Variants in PCDH15 observed in about 807,000 individuals in gnomAD.
The protein encoded by PCDH15 is protocadherin-15.
In PCDH15, 129 loss-of-function variants were observed where a neutral mutation model predicts 178.5. The observed-to-expected ratio is 0.72, with a 90% CI of 0.63 to 0.84. The LOEUF (loss-of-function observed/expected upper bound fraction) is 0.84, where lower values mean the gene tolerates loss of function less well. Among genes scored for constraint, PCDH15 ranks in the 40% least tolerant of loss-of-function variants. The pLI is 0.00. For missense variants in PCDH15, 2,230 were observed against 2,099.9 expected (o/e 1.06, Z -1.21); for synonymous variants, 800 against 732.0 (o/e 1.09, Z -1.50).
chr10:54,912,407 T>C (rs1349336030), intron 2 of PCDH15, among the ~76,000 whole-genome samples: 2 of 152,086 alleles, frequency 1.3e-5, no homozygotes, highest in Admixed American at 1.3e-4. Context: ...TGAGTTCTTA[T>C]ACCAGCTGCT....
At chr10:55,187,779 T>C (rs1839837273) in intron 1 of PCDH15, among the ~76,000 whole-genome samples, 1 of 152,022 alleles carries the variant, frequency 6.6e-6, no homozygotes, top group Non-Finnish European at 1.5e-5. Flanking sequence ...AGAGGCTGTA[T>C]GTGAGCCACA....
intron 2 of PCDH15, among the ~76,000 whole-genome samples, chr10:55,544,139 CATATATATATATATATATATAT>C (rs1176456895): frequency 3.7e-5 from 2 of 54,346 alleles, no homozygotes; most frequent in African/African-American, 7.0e-5. Flanking sequence ...CTTATACATA[CATATATATATATATATATATAT>C]ATATATATAT....
intron 8 of PCDH15, among the ~76,000 whole-genome samples, chr10:54,291,730 A>C (rs113965443): frequency 6.6e-6 from 1 of 152,210 alleles, no homozygotes; most frequent in Admixed American, 6.5e-5. Flanking sequence ...GAAGAAATGT[A>C]TAAATTCCTG....
chr10:55,125,748 A>AT (rs1056825207), intron 2 of PCDH15, among the ~76,000 whole-genome samples: 1 of 152,010 alleles, frequency 6.6e-6, no homozygotes, highest in African/African-American at 2.4e-5. Flanking sequence ...TTTTGTTTGT[A>AT]TTTTCCATAT....
intron 2 of PCDH15, among the ~76,000 whole-genome samples, chr10:54,967,609 A>AT (rs1838825266): frequency 6.6e-6 from 1 of 152,082 alleles, no homozygotes; most frequent in Non-Finnish European, 1.5e-5. Context: ...GTATTTCTTT[A>AT]CCTGATGATA....
intron 1 of PCDH15, among the ~76,000 whole-genome samples, chr10:54,742,782 A>G (rs1944975616): frequency 6.6e-6 from 1 of 152,024 alleles, no homozygotes; most frequent in African/African-American, 2.4e-5. Context: ...TCCTGTGTTA[A>G]GTTGGCAGCC....
chr10:55,547,910 T>TGTGAGAGAGGA (rs541144266), intron 2 of PCDH15, among the ~76,000 whole-genome samples: 1 of 54,508 alleles, frequency 1.8e-5, no homozygotes, highest in East Asian at 5.5e-4. Flanking sequence ...TGTGTGTGTG[T>TGTGAGAGAGGA]GAGAGAGAGA....
chr10:54,287,185 A>G (rs1049561357), intron 8 of PCDH15, among the ~76,000 whole-genome samples: 2 of 152,220 alleles, frequency 1.3e-5, no homozygotes, highest in East Asian at 1.9e-4. Flanking sequence ...CAAAACTTCT[A>G]AAGTTTAATG....
intron 33 of PCDH15, among the ~76,000 whole-genome samples, chr10:53,819,022 A>ATTCTT (rs1400161347): frequency 2.6e-5 from 4 of 152,046 alleles, no homozygotes; most frequent in African/African-American, 9.6e-5. Context: ...TTCTCAATTG[A>ATTCTT]TTCTTTAAAA....
intron 2 of PCDH15, among the ~76,000 whole-genome samples, chr10:55,389,390 T>C (rs1299031641): frequency 6.6e-6 from 1 of 152,120 alleles, no homozygotes; most frequent in Non-Finnish European, 1.5e-5. Context: ...TGTTGCTAAA[T>C]TCTAAAGTAT....
In PCDH15 at chr10:53,802,969, A is replaced by G. The variant is rs1220658616; in HGVS notation, c.*3610T>C. 1 of 151,946 alleles carries G rather than the reference A, an allele frequency of 6.6e-6. No homozygotes were observed. Among genetic ancestry groups the G allele is most frequent in the Non-Finnish European group, 1.5e-5 (1 of 67,850 alleles). 9.4% of individuals were successfully genotyped at this position (151,946 alleles called of 1,614,324 possible). A position where few individuals can be genotyped will look rare whatever the true frequency, so the allele number is the denominator to read the frequency against. On this transcript the variant is annotated 3_prime_UTR_variant, in exon 38 of 38. Transcript: ENST00000644397. ...TAGACAATGTTCGAATCTTCCATAC[A>G]TGTGCTTAACTGACCATAAATTTAA...
intron 1 of PCDH15, among the ~76,000 whole-genome samples, chr10:55,188,594 C>A (rs1044785753): frequency 1.3e-5 from 2 of 151,812 alleles, no homozygotes; most frequent in Non-Finnish European, 2.9e-5. Context: ...AAGTGTTTTT[C>A]CATTTTGCAC....
chr10:54,158,970 T>A (rs1216765769), intron 13 of PCDH15, among the ~76,000 whole-genome samples: 1 of 151,852 alleles, frequency 6.6e-6, no homozygotes, highest in Non-Finnish European at 1.5e-5. Context: ...TAGCCAGGCG[T>A]GGTGGCGAGC....
intron 21 of PCDH15, among the ~76,000 whole-genome samples, chr10:53,971,938 C>A (rs1589697689): frequency 7.1e-6 from 1 of 140,676 alleles, no homozygotes; most frequent in African/African-American, 2.6e-5. Flanking sequence ...GAAAAAACTA[C>A]TTTAAATTTC....
chr10:54,334,564 T>C (rs1407239157), intron 6 of PCDH15, among the ~76,000 whole-genome samples: 2 of 152,160 alleles, frequency 1.3e-5, no homozygotes, highest in African/African-American at 4.8e-5. Context: ...ATTCATCATT[T>C]TTAGGAAAGA....
intron 1 of PCDH15, among the ~76,000 whole-genome samples, chr10:54,722,358 G>C (rs911489495): frequency 4.0e-5 from 6 of 151,322 alleles, no homozygotes; most frequent in Non-Finnish European, 7.4e-5. Flanking sequence ...GAAGTCACTT[G>C]TAATGTCATT....
intron 8 of PCDH15, among the ~76,000 whole-genome samples, chr10:54,250,573 G>A (rs538985015): frequency 1.3e-5 from 2 of 151,944 alleles, no homozygotes; most frequent in East Asian, 1.9e-4. Context: ...CTGAGCCACC[G>A]CGCCCGGCTT....
At chr10:54,385,713 T>C (rs1949834451) in intron 3 of PCDH15, among the ~76,000 whole-genome samples, 1 of 152,188 alleles carries the variant, frequency 6.6e-6, no homozygotes, top group East Asian at 1.9e-4. Context: ...TTCTAAGTCA[T>C]ATTCCTTTTC....
At chr10:55,101,955 T>C (rs1842585579) in intron 2 of PCDH15, among the ~76,000 whole-genome samples, 1 of 151,822 alleles carries the variant, frequency 6.6e-6, no homozygotes, top group Admixed American at 6.6e-5. Context: ...AAATGTTATA[T>C]ATCTATTTTC....
Sources: allele counts gnomAD v4.1 joint callset (sites outside exome capture counted in the v4.1 genomes callset), GRCh38; gene constraint gnomAD v4.1.1; transcripts MANE v1.5; gene names NCBI Gene and HGNC (gene_info 2026-07-23, HGNC 2026-07-21).